The following ARID1B variants were observed in gnomAD, a reference collection of about 807,000 sequenced individuals.
The protein encoded by ARID1B is AT-rich interaction domain 1B.
Under a neutral mutation model 212.3 loss-of-function variants are expected in ARID1B, and 30 were observed. The observed-to-expected ratio is 0.14, with a 90% confidence interval of 0.11 to 0.19. The LOEUF (loss-of-function observed/expected upper bound fraction) is 0.19, where lower values mean the gene tolerates loss of function less well. Ranked by LOEUF, ARID1B falls within the 10% of genes least tolerant of loss-of-function variation. The pLI, the probability that ARID1B is intolerant of heterozygous loss-of-function variation, is 1.00. For synonymous variants in ARID1B, 1,402 were observed against 1,301.7 expected (o/e 1.08, Z -1.66); for missense variants, 2,891 against 3,204.0 (o/e 0.90, Z 2.36).
At chr6:157,184,849 C>G (rs1792859760) in intron 13 of ARID1B, 1 of 201,716 alleles carries the variant, frequency 5.0e-6, no homozygotes, top group South Asian at 8.6e-5. Flanking sequence ...GCTCGAGCTC[C>G]CCCGCCCTCT....
intron 1 of ARID1B, among the ~76,000 whole-genome samples, chr6:156,823,682 T>TTTG (rs199744500): frequency 2.4e-4 from 27 of 113,140 alleles, no homozygotes; most frequent in African/African-American, 6.8e-4. Flanking sequence ...GTGGGTTTTC[T>TTTG]TTGTTGTTTT....
chr6:156,975,269 C>A (rs1281589098), intron 4 of ARID1B, among the ~76,000 whole-genome samples: 1 of 152,176 alleles, frequency 6.6e-6, no homozygotes, highest in Non-Finnish European at 1.5e-5. Flanking sequence ...TTAATGTGTG[C>A]ATTGGCCATT....
chr6:156,944,614 C>T (rs942137901), intron 4 of ARID1B, among the ~76,000 whole-genome samples: 4 of 152,118 alleles, frequency 2.6e-5, no homozygotes, highest in South Asian at 2.1e-4. Context: ...TAATGCCAAC[C>T]GGATGGTTTT....
chr6:156,894,231 C>T (rs1788193274), intron 2 of ARID1B, among the ~76,000 whole-genome samples: 1 of 115,526 alleles, frequency 8.7e-6, no homozygotes, highest in Admixed American at 1.1e-4. Context: ...CAAGACTAAC[C>T]AAATTCATAG....
At chr6:156,786,433 C>T (rs112453401) in intron 1 of ARID1B, among the ~76,000 whole-genome samples, 7 of 152,206 alleles carry the variant, frequency 4.6e-5, no homozygotes, top group South Asian at 2.1e-4. Context: ...TTAAAGGCAG[C>T]TGTGAAGGGA....
intron 11 of ARID1B, 24 bp downstream of exon 11, chr6:157,175,029 G>GC: frequency 7.4e-7 from 1 of 1,349,070 alleles, no homozygotes; most frequent in Non-Finnish European, 9.6e-7. Flanking sequence ...GTTTTTTTTT[G>GC]TTTTTTTTGT....
intron 2 of ARID1B, among the ~76,000 whole-genome samples, chr6:156,854,431 C>T (rs1262773057): frequency 2.0e-5 from 3 of 152,242 alleles, no homozygotes; most frequent in African/African-American, 7.2e-5. Context: ...CCCTTTGGGG[C>T]TGTGAAGCAG....
intron 2 of ARID1B, among the ~76,000 whole-genome samples, chr6:156,888,917 T>A (rs548210446): frequency 7.2e-5 from 11 of 152,344 alleles, no homozygotes; most frequent in East Asian, 5.8e-4. Context: ...ACTTATTTTT[T>A]AATTTTGTTT....
At chr6:157,057,144 G>A (rs1033254315) in intron 4 of ARID1B, among the ~76,000 whole-genome samples, 10 of 151,742 alleles carry the variant, frequency 6.6e-5, no homozygotes, top group South Asian at 2.1e-4. Flanking sequence ...CTACAGGTGC[G>A]TGCCACCATG....
chr6:156,801,699 G>GT (rs1780802587), intron 1 of ARID1B, among the ~76,000 whole-genome samples: 2 of 151,992 alleles, frequency 1.3e-5, no homozygotes, highest in African/African-American at 4.8e-5. Flanking sequence ...TTTTTTTTTA[G>GT]TAGTAGAGAA....
At chr6:156,926,083 G>A (rs746573608) in intron 3 of ARID1B, among the ~76,000 whole-genome samples, 1 of 152,184 alleles carries the variant, frequency 6.6e-6, no homozygotes, top group Non-Finnish European at 1.5e-5. Flanking sequence ...GGCTGCATAA[G>A]GCTTCTTGGA....
At position 156,838,944 on chromosome 6, in the gene ARID1B, A is replaced by G. The variant is rs187884575; in HGVS notation, c.1986+9523A>G. Among the ~76,000 whole-genome samples, 29 of 151,996 alleles carry G rather than the reference A, an allele frequency of 1.9e-4. No individual in the cohort carries two copies. In the East Asian group the frequency reaches 5.4e-3, roughly 28 times the overall value. ...ATATTACCTTGAGATTTCCAGTAGG[A>G]TCTTCAGGCATCCCAATAGTCATTT... On this transcript the variant is annotated intron_variant, in intron 2 of 19. Coordinates refer to ENST00000636930, the MANE Select transcript of ARID1B (RefSeq NM_001374828.1).
intron 6 of ARID1B, among the ~76,000 whole-genome samples, chr6:157,114,756 G>A (rs1315118953): frequency 2.0e-5 from 3 of 151,950 alleles, no homozygotes; most frequent in East Asian, 1.9e-4. Context: ...TTAATGGCAC[G>A]GAATCTAGAA....
At chr6:157,034,289 T>A (rs1781186221) in intron 4 of ARID1B, among the ~76,000 whole-genome samples, 1 of 152,230 alleles carries the variant, frequency 6.6e-6, no homozygotes, top group African/African-American at 2.4e-5. Context: ...ACAGTATTTA[T>A]TATGAATGAG....
At chr6:157,099,225 A>AG (rs1190871972) in intron 5 of ARID1B, among the ~76,000 whole-genome samples, 3 of 152,162 alleles carry the variant, frequency 2.0e-5, no homozygotes, top group African/African-American at 4.8e-5. Context: ...TGGGATTACA[A>AG]GCGTGAGCCA....
chr6:157,021,980 C>T (rs1193092449), intron 4 of ARID1B, among the ~76,000 whole-genome samples: 1 of 152,228 alleles, frequency 6.6e-6, no homozygotes, highest in African/African-American at 2.4e-5. Flanking sequence ...TTTGGTGCAT[C>T]TCTTTCCCCC....
intron 12 of ARID1B, among the ~76,000 whole-genome samples, chr6:157,183,417 G>T (rs1792707864): frequency 6.6e-6 from 1 of 152,144 alleles, no homozygotes; most frequent in African/African-American, 2.4e-5. Flanking sequence ...CTCCTCCCTT[G>T]CCACACAACG....
rs188175629 is a variant in ARID1B at position 157,140,950 on chromosome 6, A to T, written c.2762-7674A>T. 52 of 318,028 alleles carry T rather than the reference A, an allele frequency of 1.6e-4. No homozygotes were observed. In the East Asian group the frequency reaches 2.2e-3, roughly 13 times the overall value. The allele number at this position is 318,028 out of a possible 1,614,324, so 19.7% of individuals were successfully genotyped here. A position where few individuals can be genotyped will look rare whatever the true frequency, so the allele number is the denominator to read the frequency against. ...TACTTGCCTGTTTCCTGCCACCAGG[A>T]CATAAGCTCTTGTCTTCATTCACTG... On this transcript the variant is annotated intron_variant, in intron 7 of 19. Coordinates refer to ENST00000636930, the MANE Select transcript of ARID1B (RefSeq NM_001374828.1).
Position 156,822,957 on chromosome 6 carries a change from C to T in ARID1B, c.1792-6270C>T, listed in dbSNP as rs115480330. 8.8e-3 allele frequency among the ~76,000 whole-genome samples: 1,338 copies of T among 152,272 alleles called. 22 individuals are homozygous for T. The highest frequency in any genetic ancestry group is 0.031 in the African/African-American group (1,279 of 41,542). ...TAATATGCTCAGGGAAAAACAGAGG[C>T]ATTTTGAGCTATATTTAGACACCAT... is the stretch of plus-strand genomic sequence containing the variant. On this transcript the variant is annotated intron_variant, in intron 1 of 19. Coordinates refer to ENST00000636930, the MANE Select transcript of ARID1B (RefSeq NM_001374828.1).
Sources: allele counts gnomAD v4.1 joint callset (sites outside exome capture counted in the v4.1 genomes callset), GRCh38; gene constraint gnomAD v4.1.1; transcripts MANE v1.5; gene names NCBI Gene and HGNC (gene_info 2026-07-23, HGNC 2026-07-21).